The following RUFY1 variants were observed in gnomAD, a reference collection of about 807,000 sequenced individuals.
RUFY1 encodes RUN and FYVE domain containing 1.
RUFY1 carries 54 observed loss-of-function variants against 94.6 expected under a neutral mutation model. The observed-to-expected ratio is 0.57, with a 90% CI of 0.46 to 0.72. The LOEUF is 0.72. RUFY1 is among the 30% of genes least tolerant of loss of function. RUFY1 has a pLI of 0.00. For missense variants in RUFY1, 883 were observed against 883.9 expected (o/e 1.00, Z 0.01); for synonymous variants, 396 against 347.3 (o/e 1.14, Z -1.56).
At chr5:179,597,390 C>G (rs1765770784) in intron 13 of RUFY1, among the ~76,000 whole-genome samples, 1 of 152,168 alleles carries the variant, frequency 6.6e-6, no homozygotes, top group Admixed American at 6.5e-5. Flanking sequence ...CATCAGCCAC[C>G]ACACCTGGCT....
At chr5:179,559,750 G>T in intron 1 of RUFY1, 1 of 1,143,476 alleles carries the variant, frequency 8.7e-7, no homozygotes, top group Non-Finnish European at 1.1e-6. Context: ...TAAAGCCGTC[G>T]CCGTAGCAAC....
intron 15 of RUFY1, among the ~76,000 whole-genome samples, 179 bp from the exon 16 acceptor site, chr5:179,605,697 C>G (rs1767004039): frequency 6.6e-6 from 1 of 152,044 alleles, no homozygotes; most frequent in Non-Finnish European, 1.5e-5. Flanking sequence ...AGACGGGAGC[C>G]AGTGTGATGA....
chr5:179,589,847 G>A (rs1303838422), intron 9 of RUFY1, among the ~76,000 whole-genome samples, 200 bp downstream of exon 9: 2 of 152,172 alleles, frequency 1.3e-5, no homozygotes, highest in Non-Finnish European at 2.9e-5. Flanking sequence ...CTCCCTTCAT[G>A]GCCTGTGGGC....
chr5:179,588,677 ACTAAGTGACAACTATT>A (rs1230855032), intron 8 of RUFY1, among the ~76,000 whole-genome samples: 22 of 152,312 alleles, frequency 1.4e-4, no homozygotes, highest in Admixed American at 8.5e-4. Flanking sequence ...TAACCCCTTT[ACTAAGTGACAACTATT>A]CTTGTCATTT....
At chr5:179,576,546 G>A (rs1040895344) in intron 5 of RUFY1, among the ~76,000 whole-genome samples, 8 of 152,078 alleles carry the variant, frequency 5.3e-5, no homozygotes, top group South Asian at 2.1e-4. Context: ...TCAGCTTCCC[G>A]ATTAGCTGGG....
intron 15 of RUFY1, among the ~76,000 whole-genome samples, chr5:179,605,254 G>C (rs1383837690): frequency 6.7e-6 from 1 of 150,340 alleles, no homozygotes; most frequent in East Asian, 1.9e-4. Context: ...ATTCCAGCCT[G>C]GGCAATATAG....
intron 2 of RUFY1, among the ~76,000 whole-genome samples, chr5:179,560,775 C>T (rs1438584586): frequency 6.6e-6 from 1 of 150,604 alleles, no homozygotes; most frequent in Non-Finnish European, 1.5e-5. Flanking sequence ...AGATGAGATG[C>T]CTTTCTGTGG....
At position 179,596,687 on chromosome 5, in the gene RUFY1, G is replaced by A; in HGVS notation, c.1631+6G>A. ...TCCCAGCTGCACGAGCAATGGTAGGGGCCCTGCAGGGAGCCTGGGCTGGGG... is the reference window on the plus strand; with the variant it reads ...TCCCAGCTGCACGAGCAATGGTAGGAGCCCTGCAGGGAGCCTGGGCTGGGG... On this transcript the variant is annotated splice_donor_region_variant and intron_variant, in intron 13 of 17. Coordinates refer to ENST00000319449, the MANE Select transcript of RUFY1 (RefSeq NM_025158.5). 6.3e-7 allele frequency: 1 copy of A among 1,581,358 alleles called. No homozygotes were observed. The highest frequency in any genetic ancestry group is 8.6e-7 in the Non-Finnish European group (1 of 1,167,552).
intron 1 of RUFY1, among the ~76,000 whole-genome samples, chr5:179,552,840 T>C (rs575215596): frequency 6.6e-6 from 1 of 152,350 alleles, no homozygotes; most frequent in South Asian, 2.1e-4. Context: ...AATACCTGTG[T>C]TCCATCTATG....
At position 179,563,201 on chromosome 5, in the gene RUFY1, C is replaced by T. The variant is rs112928250; in HGVS notation, c.602+537C>T. On this transcript the variant is annotated intron_variant, in intron 3 of 17. Transcript: ENST00000319449. ...GATCCTTGAGCCAATGCAAAAGAAC[C>T]CTCTGCAGAGTTTCCCAGACGGGAC... Among the ~76,000 whole-genome samples the T allele has an allele frequency of 9.2e-3, 1,398 of 152,164 alleles. 8 individuals carry two copies. The highest frequency in any genetic ancestry group is 0.02 in the Middle Eastern group (6 of 294).
At chr5:179,573,741 C>G (rs1266109504) in intron 5 of RUFY1, among the ~76,000 whole-genome samples, 3 of 152,098 alleles carry the variant, frequency 2.0e-5, no homozygotes, top group African/African-American at 7.2e-5. Context: ...CCAGGCTGGT[C>G]TTGAACTCCT....
chr5:179,603,225 A>G (rs1766633044), intron 15 of RUFY1, among the ~76,000 whole-genome samples: 1 of 151,286 alleles, frequency 6.6e-6, no homozygotes, highest in Non-Finnish European at 1.5e-5. Flanking sequence ...AGATTGCACC[A>G]CTGCACTCCA....
chr5:179,561,700 T>TTTTTTTTTTTTTTTTTTTTTTG (rs764059834), intron 2 of RUFY1, among the ~76,000 whole-genome samples: 6 of 95,610 alleles, frequency 6.3e-5, no homozygotes, highest in African/African-American at 8.6e-5. Flanking sequence ...TTTTTTTTTT[T>TTTTTTTTTTTTTTTTTTTTTTG]TTTGAAGAGT....
At chr5:179,577,457 G>C (rs1049607794) in intron 6 of RUFY1, among the ~76,000 whole-genome samples, 1 of 151,518 alleles carries the variant, frequency 6.6e-6, no homozygotes, top group Non-Finnish European at 1.5e-5. Flanking sequence ...GACCCACCGC[G>C]CCCAGCCACG....
chr5:179,581,371 G>A (rs1024806691), intron 7 of RUFY1, among the ~76,000 whole-genome samples: 1 of 151,590 alleles, frequency 6.6e-6, no homozygotes, highest in Non-Finnish European at 1.5e-5. Flanking sequence ...CAGGAAAAAA[G>A]AGTTGAAAAC....
chr5:179,556,661 C>T (rs375700094), intron 1 of RUFY1, among the ~76,000 whole-genome samples: 12 of 152,180 alleles, frequency 7.9e-5, no homozygotes, highest in South Asian at 2.1e-4. Flanking sequence ...CCAGCACGCC[C>T]AGCTAAGTTT....
chr5:179,596,779 AGGGGGGGC>A (rs1429005068), intron 13 of RUFY1, 98 bp downstream of exon 13: 5 of 28,326 alleles, frequency 1.8e-4, no homozygotes, highest in Non-Finnish European at 2.4e-4. Flanking sequence ...GAACGGGAGG[AGGGGGGGC>A]GGGGGGGCAG....
intron 1 of RUFY1, among the ~76,000 whole-genome samples, chr5:179,557,242 A>G (rs1013667448): frequency 6.6e-6 from 1 of 152,146 alleles, no homozygotes; most frequent in Non-Finnish European, 1.5e-5. Context: ...CAGCCTGGCC[A>G]ACATAGTAAA....
At chr5:179,600,527 AACC>A (rs919194009) in intron 14 of RUFY1, among the ~76,000 whole-genome samples, 2 of 152,212 alleles carry the variant, frequency 1.3e-5, no homozygotes, top group African/African-American at 4.8e-5. Context: ...TTGAACAGGA[AACC>A]ACCTTTCAAA....
Sources: allele counts gnomAD v4.1 joint callset (sites outside exome capture counted in the v4.1 genomes callset), GRCh38; gene constraint gnomAD v4.1.1; transcripts MANE v1.5; gene names NCBI Gene and HGNC (gene_info 2026-07-23, HGNC 2026-07-21).